Variants in ZDBF2 observed in about 807,000 individuals in gnomAD.
The protein encoded by ZDBF2 is DBF4-type zinc finger-containing protein 2.
Under a neutral mutation model 9.4 loss-of-function variants are expected in ZDBF2, and 6 were observed. That is an observed-to-expected ratio of 0.64 (90% confidence interval 0.35 to 1.27). ZDBF2 has a LOEUF of 1.27. ZDBF2 is among the 50% of genes most tolerant of loss of function. The pLI is 0.03. For missense variants in ZDBF2, 2,697 were observed against 2,766.8 expected (o/e 0.97, Z 0.57); for synonymous variants, 905 against 946.3 (o/e 0.96, Z 0.80).
At chr2:206,303,274 C>A (rs1212841627) in intron 4 of ZDBF2, among the ~76,000 whole-genome samples, 1 of 141,654 alleles carries the variant, frequency 7.1e-6, no homozygotes, top group African/African-American at 2.6e-5. Context: ...ATACTTATCT[C>A]TTTGAATTGT....
chr2:206,299,021 C>T (rs1692352465), intron 4 of ZDBF2, among the ~76,000 whole-genome samples: 1 of 151,816 alleles, frequency 6.6e-6, no homozygotes, highest in African/African-American at 2.4e-5. Flanking sequence ...GCTGGGATTA[C>T]AGGCATATGC....
At position 206,281,811 on chromosome 2, in the gene ZDBF2, C is replaced by G. The variant is rs1691333341; in HGVS notation, c.-39C>G. 1 of 1,597,140 alleles carries G rather than the reference C, an allele frequency of 6.3e-7. No homozygotes were observed. The highest frequency in any genetic ancestry group is 1.3e-5 in the African/African-American group (1 of 74,378). ...CTTTTTGTTTTTCAGCTTGAGTATT[C>G]AAAGACAGTAGCCATCTGACTTCAG... On this transcript the variant is annotated 5_prime_UTR_variant, in exon 3 of 5. Transcript: ENST00000374423.
Position 206,305,763 on chromosome 2 carries a change from C to A in ZDBF2, c.1235C>A (p.Ser412Tyr). The change falls in exon 5 of 5, where the codon TCC (serine) becomes TAC (tyrosine). Residue 412 changes from serine to tyrosine, a missense_variant. Around this residue, in one of 3 missense-constraint regions of ZDBF2, gnomAD observed 910 missense variants for 973.6 expected, o/e 0.93. Transcript: ENST00000374423. ...TCAGAAATGAGTTTTGATTGCAGTT[C>A]CTCTTTTCATTCACTGACTGACCAA... ...RGSEMSFDCS[S>Y]SFHSLTDQSK... 6.2e-7 allele frequency: 1 copy of A among 1,613,648 alleles called. No homozygotes were observed. The highest frequency in any genetic ancestry group is 1.1e-5 in the South Asian group (1 of 91,064).
rs74930160 is a variant in ZDBF2 at position 206,310,532 on chromosome 2, C to T, written c.6004C>T (p.Pro2002Ser). 1,545 of 1,613,462 alleles carry T rather than the reference C, an allele frequency of 9.6e-4. 12 individuals are homozygous for T. The African/African-American group carries it at 0.018, about 19-fold the overall frequency. The change falls in exon 5 of 5, where the codon CCT becomes TCT. Residue 2002 changes from proline to serine, a missense_variant. Pro to Ser is a moderately conservative substitution (Grantham distance 74, BLOSUM62 -1). Around this residue, in one of 3 missense-constraint regions of ZDBF2, gnomAD observed 1,783 missense variants for 1,776.5 expected, o/e 1.00. Transcript: ENST00000374423. ...TGCATCATGTACTAAAGTTTTGAAGCCTATGCAACCCAAAGCCTTAGTCTG... is the reference window on the plus strand; with the variant it reads ...TGCATCATGTACTAAAGTTTTGAAGTCTATGCAACCCAAAGCCTTAGTCTG... ...FPASCTKVLKPMQPKALVCVL... is the reference protein window; with the variant it reads ...FPASCTKVLKSMQPKALVCVL...
Position 206,307,199 on chromosome 2 carries a change from G to A in ZDBF2, c.2671G>A (p.Val891Ile). ...HSVTNSPEVA[V>I]KKLNPQKEEQ... ...AGTGACTAATTCTCCCGAAGTAGCT[G>A]TTAAAAAGCTAAATCCTCAAAAAGA... is the stretch of plus-strand genomic sequence containing the variant. The change falls in exon 5 of 5, where the codon GTT becomes ATT. Residue 891 changes from valine (V) to isoleucine (I), a missense_variant. This residue lies in a region of ZDBF2 where 1,783 missense variants were observed against 1,776.5 expected (regional missense o/e 1.00). Transcript: ENST00000374423. 6.2e-7 allele frequency: 1 copy of A among 1,612,606 alleles called. No individual in the cohort carries two copies. The highest frequency in any genetic ancestry group is 8.5e-7 in the Non-Finnish European group (1 of 1,179,522).
At chr2:206,296,609 C>T (rs994134414) in intron 3 of ZDBF2, among the ~76,000 whole-genome samples, 2 of 152,154 alleles carry the variant, frequency 1.3e-5, no homozygotes, top group South Asian at 2.1e-4. Flanking sequence ...AAATTCCCTG[C>T]GGATAATAGG....
In ZDBF2 at chr2:206,308,630, T is replaced by C. The variant is rs1559157130; in HGVS notation, c.4102T>C (p.Ser1368Pro). ...TAATTCTTATAGTCCTGAAGAAAGT[T>C]CTGATTCCAATGACTCTTTTCAGGC... ...SSNSYSPEES[S>P]DSNDSFQAAA... The change falls in exon 5 of 5, where the codon TCT (serine) becomes CCT (proline). Residue 1368 changes from serine (S) to proline (P), a missense_variant. By Grantham distance (74) the Ser-to-Pro change is moderately conservative. This residue lies in a region of ZDBF2 where 1,783 missense variants were observed against 1,776.5 expected (regional missense o/e 1.00). Transcript: ENST00000374423. 1 of 1,612,800 alleles carries C rather than the reference T, an allele frequency of 6.2e-7. No individual in the cohort carries two copies. The highest frequency in any genetic ancestry group is 2.2e-5 in the East Asian group (1 of 44,872).
rs1692772613 is a variant in ZDBF2 at position 206,306,033 on chromosome 2, C to T, written c.1505C>T (p.Pro502Leu). The part of the protein sequence containing the change: ...SETNFDCDAS[P>L]QSTSDYPQQS... ...ACGAATTTTGATTGTGATGCTTCAC[C>T]TCAGTCCACTAGTGACTACCCCCAA... Residue 502 changes from proline to leucine, a missense_variant, in exon 5 of 5, where the codon CCT becomes CTT. Pro to Leu is a moderately conservative substitution (Grantham distance 98). Around this residue, in one of 3 missense-constraint regions of ZDBF2, gnomAD observed 910 missense variants for 973.6 expected, o/e 0.93. Coordinates refer to ENST00000374423, the MANE Select transcript of ZDBF2 (RefSeq NM_020923.3). The T allele has an allele frequency of 2.5e-6, 4 of 1,613,414 alleles. No homozygotes were observed. The highest frequency in any genetic ancestry group is 1.7e-5 in the Admixed American group (1 of 59,968).
At chr2:206,302,459 A>T (rs924189940) in intron 4 of ZDBF2, among the ~76,000 whole-genome samples, 1 of 152,228 alleles carries the variant, frequency 6.6e-6, no homozygotes, top group Non-Finnish European at 1.5e-5. Context: ...CAAAGCATCC[A>T]GATGGCAGTT....
intron 2 of ZDBF2, among the ~76,000 whole-genome samples, chr2:206,281,264 A>G (rs1347822718): frequency 6.6e-6 from 1 of 152,206 alleles, no homozygotes; most frequent in Non-Finnish European, 1.5e-5. Flanking sequence ...TTTGTGTTTC[A>G]GAGGCTAAAT....
At position 206,304,715 on chromosome 2, in the gene ZDBF2, A is replaced by C; in HGVS notation, c.189-2A>C. 2 of 1,593,144 alleles carry C rather than the reference A, an allele frequency of 1.3e-6. No homozygotes were observed. Among genetic ancestry groups the C allele is most frequent in the Non-Finnish European group, 1.7e-6 (2 of 1,172,172 alleles). Reference sequence around the variant, plus strand: ...TTATGAGTTTCCCCCCTTTCGTTTTAGTTCAACACAAGATGAGACACATGT... The same window carrying C: ...TTATGAGTTTCCCCCCTTTCGTTTTCGTTCAACACAAGATGAGACACATGT... On this transcript the variant is annotated splice_acceptor_variant, in intron 4 of 4. Coordinates refer to ENST00000374423, the MANE Select transcript of ZDBF2 (RefSeq NM_020923.3). LOFTEE classifies it high-confidence loss of function.
At chr2:206,290,318 T>C (rs1691822634) in intron 3 of ZDBF2, among the ~76,000 whole-genome samples, 1 of 152,226 alleles carries the variant, frequency 6.6e-6, no homozygotes. Context: ...TTTTTCAAGA[T>C]TGTTTTGGCT....
chr2:206,310,094 C>T lies in ZDBF2; in HGVS notation c.5566C>T (p.His1856Tyr). The change falls in exon 5 of 5, where the codon CAC becomes TAC. Residue 1856 changes from histidine to tyrosine, a missense_variant. By Grantham distance (83) the His-to-Tyr change is moderately conservative. Coordinates refer to ENST00000374423, the MANE Select transcript of ZDBF2 (RefSeq NM_020923.3). ...LVKEFREGRF[H>Y]CYFDDDCETK... Reference sequence around the variant, plus strand: ...GAAGGAGTTTAGGGAAGGTCGTTTCCACTGTTACTTTGATGATGACTGTGA... The same window carrying T: ...GAAGGAGTTTAGGGAAGGTCGTTTCTACTGTTACTTTGATGATGACTGTGA... The T allele has an allele frequency of 6.2e-7, 1 of 1,613,644 alleles. No individual in the cohort carries two copies.
chr2:206,310,245 T>TTGA lies in ZDBF2; in HGVS notation c.5721_5723dup (p.Asp1908dup). On this transcript the variant is annotated inframe_insertion, in exon 5 of 5. Transcript: ENST00000374423. ...GATATTGTCTGTGGTATTTCAGATA[T>TTGA]TGATGACTTGTCAGTGGCCTTAGAT... The TTGA allele has an allele frequency of 6.2e-7, 1 of 1,613,978 alleles. No individual in the cohort carries two copies. The highest frequency in any genetic ancestry group is 8.5e-7 in the Non-Finnish European group (1 of 1,179,892).
rs1027150977 is a variant in ZDBF2 at position 206,307,857 on chromosome 2, A to G, written c.3329A>G (p.Glu1110Gly). 8.7e-6 allele frequency: 14 copies of G among 1,612,866 alleles called. No homozygotes were observed. Among genetic ancestry groups the G allele is most frequent in the Non-Finnish European group, 1.2e-5 (14 of 1,179,572 alleles). ...EVIGLKNKIN[E>G]PSTYKLIHHP... ...ATTGGCCTGAAAAATAAGATTAATG[A>G]ACCTAGTACTTATAAATTAATACAT... The change falls in exon 5 of 5, where the codon GAA becomes GGA. Residue 1110 changes from glutamate (E) to glycine (G), a missense_variant. Around this residue, in one of 3 missense-constraint regions of ZDBF2, gnomAD observed 1,783 missense variants for 1,776.5 expected, o/e 1.00. Coordinates refer to ENST00000374423, the MANE Select transcript of ZDBF2 (RefSeq NM_020923.3).
Position 206,305,402 on chromosome 2 carries a change from A to G in ZDBF2, c.874A>G (p.Met292Val), listed in dbSNP as rs200849358. 3.5e-5 allele frequency: 56 copies of G among 1,613,574 alleles called. No individual in the cohort carries two copies. The Admixed American group carries it at 7.0e-4, about 20-fold the overall frequency. The change falls in exon 5 of 5, where the codon ATG (methionine) becomes GTG (valine). Residue 292 changes from methionine to valine, a missense_variant. Met to Val is a conservative substitution (Grantham distance 21, BLOSUM62 1). Around this residue, in one of 3 missense-constraint regions of ZDBF2, gnomAD observed 910 missense variants for 973.6 expected, o/e 0.93. Coordinates refer to ENST00000374423, the MANE Select transcript of ZDBF2 (RefSeq NM_020923.3). ...AGCTGGCTTGAAATTCCATGAACGC[A>G]TGGGTACTAAGGGCTCCTTAAGAGT... Reference protein sequence around the residue: ...LSAGLKFHERMGTKGSLRVKS... With the variant: ...LSAGLKFHERVGTKGSLRVKS...
chr2:206,311,468 G>C lies in ZDBF2; in HGVS notation c.6940G>C (p.Gly2314Arg). The change falls in exon 5 of 5, where the codon GGC (glycine) becomes CGC (arginine). Residue 2314 changes from glycine (G) to arginine (R), a missense_variant. By Grantham distance (125) the Gly-to-Arg change is moderately radical. Coordinates refer to ENST00000374423, the MANE Select transcript of ZDBF2 (RefSeq NM_020923.3). ...GAAGAAGACTGATGAAAGCTACCATGGCCGACAGAAAGGTCCTTCTACACC... is the reference window on the plus strand; with the variant it reads ...GAAGAAGACTGATGAAAGCTACCATCGCCGACAGAAAGGTCCTTCTACACC... ...RRKKTDESYHGRQKGPSTPVR... is the reference protein window; with the variant it reads ...RRKKTDESYHRRQKGPSTPVR... 1 of 1,612,302 alleles carries C rather than the reference G, an allele frequency of 6.2e-7. No homozygotes were observed.
chr2:206,304,128 G>C (rs1191223903), intron 4 of ZDBF2, among the ~76,000 whole-genome samples: 2 of 152,166 alleles, frequency 1.3e-5, no homozygotes, highest in African/African-American at 4.8e-5. Context: ...GCTGTTTGTA[G>C]AGGTTACAAA....
intron 1 of ZDBF2, among the ~76,000 whole-genome samples, chr2:206,277,920 A>C (rs982167475): frequency 2.0e-5 from 3 of 152,200 alleles, no homozygotes; most frequent in African/African-American, 7.2e-5. Flanking sequence ...TTGTCTTGAC[A>C]GGGCTTTTAT....
Sources: allele counts gnomAD v4.1 joint callset (sites outside exome capture counted in the v4.1 genomes callset), GRCh38; gene constraint gnomAD v4.1.1; regional missense constraint gnomAD v4.1.1; transcripts MANE v1.5; gene names NCBI Gene and HGNC (gene_info 2026-07-23, HGNC 2026-07-21).